Variants in STON2 observed in about 807,000 individuals in gnomAD.
The protein encoded by STON2 is stonin 2, also known as stonin-2.
In STON2, 29 loss-of-function variants were observed where a neutral mutation model predicts 65.7. The observed-to-expected ratio is 0.44, with a 90% CI of 0.33 to 0.60. STON2 has a LOEUF of 0.60. STON2 is among the 20% of genes least tolerant of loss of function. The probability of loss-of-function intolerance (pLI) is 0.03; values close to 1 mark genes in which losing one functional copy is unlikely to be tolerated. For synonymous variants in STON2, 404 were observed against 414.2 expected (o/e 0.98, Z 0.30); for missense variants, 1,054 against 1,118.1 (o/e 0.94, Z 0.82).
At chr14:81,350,502 GA>G (rs1897984226) in intron 4 of STON2, among the ~76,000 whole-genome samples, 1 of 151,312 alleles carries the variant, frequency 6.6e-6, no homozygotes, top group Non-Finnish European at 1.5e-5. Context: ...AAAACTTTCA[GA>G]GAGGAATGAA....
At chr14:81,308,136 G>A (rs1304250668) in intron 5 of STON2, among the ~76,000 whole-genome samples, 1 of 152,154 alleles carries the variant, frequency 6.6e-6, no homozygotes, top group Non-Finnish European at 1.5e-5. Flanking sequence ...AAACAGAAAT[G>A]TATGTTTGAA....
At position 81,421,164 on chromosome 14, in the gene STON2, T is replaced by C. The variant is rs142246086; in HGVS notation, c.-199+5938A>G. 2.1e-3 allele frequency among the ~76,000 whole-genome samples: 325 copies of C among 152,334 alleles called. 3 individuals are homozygous for C. The highest frequency in any genetic ancestry group is 7.3e-3 in the African/African-American group (304 of 41,580). On this transcript the variant is annotated intron_variant, in intron 2 of 8. Coordinates refer to the STON2 transcript ENST00000553821. ...ACCCGACTTGGAATGTGAAGAGCAA[T>C]AGTTTTTTCAAGGCCTCCACTCAAA...
At chr14:81,385,782 A>G (rs72703756) in intron 3 of STON2, among the ~76,000 whole-genome samples, 4,159 of 152,336 alleles carry the variant, frequency 0.027, 86 homozygotes, top group African/African-American at 0.052. Flanking sequence ...TTCTGGAATA[A>G]AGAATAAATT....
At chr14:81,381,692 T>A (rs1899524882) in intron 3 of STON2, among the ~76,000 whole-genome samples, 1 of 152,122 alleles carries the variant, frequency 6.6e-6, no homozygotes, top group South Asian at 2.1e-4. Flanking sequence ...GCTGAGGAAA[T>A]GGAGCCACAG....
rs116060905 is a variant in STON2, at chr14:81,298,601, G to A, written c.743-19862C>T. ...GGTGTTTATTTTCCTGCTCTGGTAA[G>A]TTCCCAAGGAAGAGAAACTACAGAA... On this transcript the variant is annotated intron_variant, in intron 5 of 7. Coordinates refer to ENST00000614646, the MANE Select transcript of STON2 (RefSeq NM_001394390.1). Among the ~76,000 whole-genome samples the A allele has an allele frequency of 2.7e-3, 416 of 152,296 alleles. 1 individual carries two copies. Among genetic ancestry groups the A allele is most frequent in the African/African-American group, 9.5e-3 (393 of 41,570 alleles).
intron 6 of STON2, among the ~76,000 whole-genome samples, chr14:81,271,370 A>C (rs949286471): frequency 2.0e-5 from 3 of 152,200 alleles, no homozygotes; most frequent in African/African-American, 7.2e-5. Flanking sequence ...GATATATGTA[A>C]ATGACAAGGA....
In STON2 at chr14:81,303,060, GT is replaced by G. The variant is rs1324772680; in HGVS notation, c.742+20956del. 7.2e-3 allele frequency among the ~76,000 whole-genome samples: 760 copies of G among 105,614 alleles called. 7 individuals carry two copies. Among genetic ancestry groups the G allele is most frequent in the African/African-American group, 0.032 (482 of 15,222 alleles). 69.3% of individuals were successfully genotyped at this position (105,614 alleles called of 152,430 possible). A position where few individuals can be genotyped will look rare whatever the true frequency, so the allele number is the denominator to read the frequency against. ...CAGTGAGGGTGTACATGTGTGGGGG[GT>G]GTGTGTGTGTGTGTGTGTGTGTGTA... On this transcript the variant is annotated intron_variant, in intron 5 of 7. Transcript: ENST00000614646.
At chr14:81,329,161 TAAG>T (rs774848547) in intron 4 of STON2, among the ~76,000 whole-genome samples, 1 of 152,082 alleles carries the variant, frequency 6.6e-6, no homozygotes, top group South Asian at 2.1e-4. Flanking sequence ...GGTGTCGTTA[TAAG>T]AAGAGACATG....
chr14:81,395,998 T>C lies in STON2; in HGVS notation c.269A>G (p.Gln90Arg). 2 of 1,614,154 alleles carry C rather than the reference T, an allele frequency of 1.2e-6. No homozygotes were observed. Among genetic ancestry groups the C allele is most frequent in the African/African-American group, 1.3e-5 (1 of 75,032 alleles). Residue 90 changes from glutamine (Q) to arginine (R), a missense_variant, in exon 3 of 8, where the codon CAG becomes CGG. Gln to Arg is a conservative substitution (Grantham distance 43). Coordinates refer to ENST00000614646, the MANE Select transcript of STON2 (RefSeq NM_001394390.1). ...GGCCGAGGCCAGGTCAGGTGGGGGC[T>C]GCTCAGGGCTCCCAGGTGGGGAAGC... ...EAASPPGSPE[Q>R]PPPDLASAIS... is the part of the protein sequence containing the mutation.
At chr14:81,390,583 A>G (rs1023683836) in intron 3 of STON2, among the ~76,000 whole-genome samples, 7 of 143,530 alleles carry the variant, frequency 4.9e-5, no homozygotes, top group Non-Finnish European at 1.0e-4. Flanking sequence ...AAAACAAAAA[A>G]CAAACAAACA....
chr14:81,407,103 C>G lies in STON2; in HGVS notation c.-198-8523G>C, dbSNP rs141499837. 3.7e-3 allele frequency among the ~76,000 whole-genome samples: 569 copies of G among 152,284 alleles called. 16 individuals carry two copies. The South Asian group carries it at 0.077, about 21-fold the overall frequency. ...CTCAGGATAGAAAATCTTGTGCTGC[C>G]TGTTGACCGAAGCCTGAAAACAGTT... On this transcript the variant is annotated intron_variant, in intron 2 of 8. Transcript: ENST00000553821.
At chr14:81,304,598 C>A (rs1263385211) in intron 5 of STON2, among the ~76,000 whole-genome samples, 2 of 152,052 alleles carry the variant, frequency 1.3e-5, no homozygotes, top group Non-Finnish European at 2.9e-5. Flanking sequence ...ATGAAACAGG[C>A]CTGTGATGAA....
chr14:81,336,973 T>C (rs79536423), intron 4 of STON2, among the ~76,000 whole-genome samples: 1,934 of 152,218 alleles, frequency 0.013, 37 homozygotes, highest in African/African-American at 0.044. Context: ...TTGGGGAAGT[T>C]GCAGAACTTT....
At position 81,267,668 on chromosome 14, in the gene STON2, AT is replaced by A; in HGVS notation, c.*745del. 1 of 985,330 alleles carries A rather than the reference AT, an allele frequency of 1.0e-6. No individual in the cohort carries two copies. Among genetic ancestry groups the A allele is most frequent in the Non-Finnish European group, 1.2e-6 (1 of 829,852 alleles). The allele number at this position is 985,330 out of a possible 1,614,324, so 61.0% of individuals were successfully genotyped here. On this transcript the variant is annotated 3_prime_UTR_variant, in exon 8 of 8. Transcript: ENST00000614646. ...TTTCTCCAAAATGAAGAAAACTAAG[AT>A]TAATTTTGCCTTCCCCTCAACACCC...
intron 1 of STON2, among the ~76,000 whole-genome samples, chr14:81,434,034 G>A (rs1339506466): frequency 2.0e-5 from 3 of 152,026 alleles, no homozygotes; most frequent in African/African-American, 7.3e-5. Flanking sequence ...TTACCCCTCG[G>A]TCAAGCTTTT....
Position 81,408,157 on chromosome 14 carries a change from A to ACACGCG in STON2, c.-198-9578_-198-9577insCGCGTG, listed in dbSNP as rs147841517. Reference sequence around the variant, plus strand: ...GAAGAACACACACACACACACACACACGCGCACACACACACACATTAATTA... The same window carrying ACACGCG: ...GAAGAACACACACACACACACACACACACGCGCGCGCACACACACACACATTAATTA... On this transcript the variant is annotated intron_variant, in intron 2 of 8. Transcript: ENST00000553821. 4.9e-4 allele frequency among the ~76,000 whole-genome samples: 73 copies of ACACGCG among 150,506 alleles called. 1 individual carries two copies. Among genetic ancestry groups the ACACGCG allele is most frequent in the Middle Eastern group, 6.8e-3 (2 of 292 alleles).
At chr14:81,316,706 TG>T (rs1896632948) in intron 5 of STON2, among the ~76,000 whole-genome samples, 2 of 152,182 alleles carry the variant, frequency 1.3e-5, no homozygotes, top group African/African-American at 4.8e-5. Flanking sequence ...AAGGAAGACC[TG>T]AGACTGGGTA....
chr14:81,426,616 C>T (rs1423942870), intron 2 of STON2, among the ~76,000 whole-genome samples: 5 of 152,156 alleles, frequency 3.3e-5, no homozygotes, highest in African/African-American at 9.7e-5. Flanking sequence ...GAAATGACTG[C>T]GGCAAGAACC....
chr14:81,273,451 G>A (rs1894677486), intron 6 of STON2, among the ~76,000 whole-genome samples: 1 of 152,196 alleles, frequency 6.6e-6, no homozygotes. Context: ...GGGGATTCCT[G>A]CAAAGAAAGC....
Sources: gnomAD v4.1 joint callset for allele counts (sites outside exome capture counted in the v4.1 genomes callset) on GRCh38, gnomAD v4.1.1 for gene constraint, MANE v1.5 for transcripts, NCBI Gene and HGNC (gene_info 2026-07-23, HGNC 2026-07-21) for gene names.